Variants in ERBB4 observed in about 807,000 individuals in gnomAD.
ERBB4 encodes erb-b2 receptor tyrosine kinase 4, also known as receptor tyrosine-protein kinase erbB-4.
Under a neutral mutation model 158.0 loss-of-function variants are expected in ERBB4, and 42 were observed. The ratio of observed to expected loss-of-function variants is 0.27; its 90% confidence interval spans 0.21 to 0.34. The LOEUF (loss-of-function observed/expected upper bound fraction) is 0.34. Among genes scored for constraint, ERBB4 ranks in the 10% least tolerant of loss-of-function variants. The probability of loss-of-function intolerance (pLI) is 1.00; values close to 1 mark genes in which losing one functional copy is unlikely to be tolerated. For missense variants in ERBB4, 1,333 were observed against 1,624.1 expected, an observed-to-expected ratio of 0.82 and a Z score of 3.08; for synonymous variants, 583 against 558.7, an observed-to-expected ratio of 1.04 and a Z score of -0.61.
intron 1 of ERBB4, among the ~76,000 whole-genome samples, chr2:212,155,962 G>A (rs2081023501): frequency 1.3e-5 from 2 of 151,964 alleles, no homozygotes. Flanking sequence ...CAATATAACT[G>A]GCTTCCTTTG....
intron 3 of ERBB4, among the ~76,000 whole-genome samples, chr2:211,877,840 G>C (rs563221035): frequency 7.2e-4 from 109 of 152,258 alleles, no homozygotes; most frequent in African/African-American, 2.4e-3. Flanking sequence ...AGGCGAGGTG[G>C]TTCATGCCTG....
chr2:212,344,840 C>T (rs963141739), intron 1 of ERBB4, among the ~76,000 whole-genome samples: 6 of 152,092 alleles, frequency 3.9e-5, no homozygotes, highest in Non-Finnish European at 5.9e-5. Context: ...TTGGCAATTA[C>T]CAGTTGTCAA....
chr2:212,098,885 C>A (rs191229593), intron 2 of ERBB4, among the ~76,000 whole-genome samples: 81 of 152,106 alleles, frequency 5.3e-4, no homozygotes, highest in Middle Eastern at 3.4e-3. Context: ...GCAGAAATAA[C>A]AGGAAAATTG....
chr2:211,676,905 G>C (rs1310157060), intron 13 of ERBB4, among the ~76,000 whole-genome samples: 2 of 152,036 alleles, frequency 1.3e-5, no homozygotes, highest in African/African-American at 2.4e-5. Context: ...ATAATATTGG[G>C]AACAAGCATA....
chr2:211,741,452 TACAC>T lies in ERBB4; in HGVS notation c.622+9183_622+9186del, dbSNP rs5838279. Among the ~76,000 whole-genome samples the T allele has an allele frequency of 1.5e-3, 214 of 143,296 alleles. 2 individuals are homozygous for T. Among genetic ancestry groups the T allele is most frequent in the East Asian group, 2.2e-3 (11 of 4,910 alleles). 94.0% of individuals were successfully genotyped at this position (143,296 alleles called of 152,430 possible). On this transcript the variant is annotated intron_variant, in intron 5 of 27. Transcript: ENST00000342788. Reference sequence around the variant, plus strand: ...TAATCTATAACTATATATGTAGTTATACACACACACACACACACACACACACACA... The same window carrying T: ...TAATCTATAACTATATATGTAGTTATACACACACACACACACACACACACA...
chr2:212,050,066 G>T (rs992176243), intron 2 of ERBB4, among the ~76,000 whole-genome samples: 4 of 151,978 alleles, frequency 2.6e-5, no homozygotes, highest in Non-Finnish European at 5.9e-5. Flanking sequence ...AAAAAAAATG[G>T]GGAGAATCTT....
chr2:211,885,962 G>A (rs1410798061), intron 3 of ERBB4, among the ~76,000 whole-genome samples: 1 of 152,088 alleles, frequency 6.6e-6, no homozygotes, highest in East Asian at 1.9e-4. Context: ...TAACAATGTG[G>A]AGAATTAAAT....
intron 1 of ERBB4, among the ~76,000 whole-genome samples, chr2:212,343,334 T>G (rs1209197342): frequency 1.6e-4 from 24 of 152,176 alleles, no homozygotes; most frequent in Admixed American, 1.5e-3. Context: ...GTCTATTGCT[T>G]TAATCTATGC....
intron 1 of ERBB4, among the ~76,000 whole-genome samples, chr2:212,411,954 A>T (rs2091512313): frequency 6.6e-6 from 1 of 151,996 alleles, no homozygotes; most frequent in Non-Finnish European, 1.5e-5. Context: ...TATGGGAAAG[A>T]CTTCTTCTTC....
intron 2 of ERBB4, among the ~76,000 whole-genome samples, chr2:212,006,574 G>A (rs1456960069): frequency 6.6e-6 from 1 of 151,810 alleles, no homozygotes. Flanking sequence ...AAATGGCATC[G>A]AGTATAGCCT....
At chr2:212,074,516 A>G (rs772709766) in intron 2 of ERBB4, among the ~76,000 whole-genome samples, 6 of 151,970 alleles carry the variant, frequency 3.9e-5, no homozygotes, top group Non-Finnish European at 7.4e-5. Flanking sequence ...TTATTATTTA[A>G]CCAAATACTA....
chr2:212,502,277 T>C (rs1277050676), intron 1 of ERBB4, among the ~76,000 whole-genome samples: 1 of 152,158 alleles, frequency 6.6e-6, no homozygotes, highest in Non-Finnish European at 1.5e-5. Context: ...TTAAGAATCA[T>C]CATAGAAAAA....
intron 2 of ERBB4, among the ~76,000 whole-genome samples, chr2:212,006,821 G>A (rs1419660199): frequency 6.6e-6 from 1 of 152,018 alleles, no homozygotes; most frequent in African/African-American, 2.4e-5. Flanking sequence ...GAATTCCATT[G>A]TCAATGTATT....
At chr2:211,532,571 A>G (rs2066529968) in intron 20 of ERBB4, among the ~76,000 whole-genome samples, 1 of 152,116 alleles carries the variant, frequency 6.6e-6, no homozygotes, top group Non-Finnish European at 1.5e-5. Context: ...TTCGGTCCTT[A>G]GTACCATATT....
At chr2:212,169,370 AT>A (rs992494805) in intron 1 of ERBB4, among the ~76,000 whole-genome samples, 10 of 152,098 alleles carry the variant, frequency 6.6e-5, no homozygotes, top group African/African-American at 2.2e-4. Context: ...ACTTACAACC[AT>A]TTGATTTTGG....
At chr2:212,448,703 G>A (rs73079470) in intron 1 of ERBB4, among the ~76,000 whole-genome samples, 4 of 152,060 alleles carry the variant, frequency 2.6e-5, no homozygotes, top group Non-Finnish European at 5.9e-5. Flanking sequence ...GCTTAAAACC[G>A]CAGAAATCAT....
At chr2:211,531,680 G>T (rs1458532222) in intron 20 of ERBB4, among the ~76,000 whole-genome samples, 2 of 152,058 alleles carry the variant, frequency 1.3e-5, no homozygotes, top group Non-Finnish European at 2.9e-5. Context: ...CGAGGATGTG[G>T]AGAAAAGGGA....
At chr2:212,322,157 ATAGT>A (rs1447667472) in intron 1 of ERBB4, among the ~76,000 whole-genome samples, 6 of 150,440 alleles carry the variant, frequency 4.0e-5, no homozygotes, top group South Asian at 2.1e-4. Context: ...AAATATAAAA[ATAGT>A]TAGGCTTTTC....
intron 1 of ERBB4, among the ~76,000 whole-genome samples, chr2:212,143,300 A>C (rs16847781): frequency 0.022 from 3,315 of 152,248 alleles, 126 homozygotes; most frequent in African/African-American, 0.076. Flanking sequence ...CTGTCAGTGT[A>C]TTATAATATT....
Sources: allele counts gnomAD v4.1 joint callset (sites outside exome capture counted in the v4.1 genomes callset), GRCh38; gene constraint gnomAD v4.1.1; transcripts MANE v1.5; gene names NCBI Gene and HGNC (gene_info 2026-07-23, HGNC 2026-07-21).